Variants in ANKRD62 observed in about 807,000 individuals in gnomAD.
ANKRD62 encodes the protein ankyrin repeat domain 62, also known as ankyrin repeat domain-containing protein 62.
A neutral mutation model predicts 98.8 loss-of-function variants in ANKRD62; 61 were observed. The observed-to-expected ratio is 0.62, with a 90% CI of 0.50 to 0.76. The LOEUF (loss-of-function observed/expected upper bound fraction) is 0.76. Among genes scored for constraint, ANKRD62 ranks in the 30% least tolerant of loss-of-function variants. The pLI is 0.00. For synonymous variants in ANKRD62, 341 were observed against 367.9 expected, an observed-to-expected ratio of 0.93 and a Z score of 0.84; for missense variants, 933 against 1,082.9, an observed-to-expected ratio of 0.86 and a Z score of 1.94.
At chr18:12,152,746 TAAA>T in the ANKRD62 span, among the ~76,000 whole-genome samples, 1 of 151,960 alleles carries the variant, frequency 6.6e-6, no homozygotes, top group East Asian at 1.9e-4. Flanking sequence ...ATCAAACAAA[TAAA>T]TAAAGGGCAT....
At chr18:12,175,066 G>A in the ANKRD62 span, among the ~76,000 whole-genome samples, 9 of 152,336 alleles carry the variant, frequency 5.9e-5, no homozygotes, top group African/African-American at 1.7e-4. Context: ...CCCCGCTGTG[G>A]GCATTCACCA....
At chr18:12,141,205 G>C in the ANKRD62 span, among the ~76,000 whole-genome samples, 1 of 152,240 alleles carries the variant, frequency 6.6e-6, no homozygotes, top group East Asian at 1.9e-4. Context: ...CGTTGGACAA[G>C]CGCAGTATTA....
chr18:12,140,005 T>A, the ANKRD62 span, among the ~76,000 whole-genome samples: 1 of 152,258 alleles, frequency 6.6e-6, no homozygotes, highest in South Asian at 2.1e-4. Context: ...AGATTTGGTC[T>A]TTTCACATAG....
At position 12,126,100 on chromosome 18, in the gene ANKRD62, C is replaced by G. The variant is rs1208991175; in HGVS notation, c.2279C>G (p.Pro760Arg). The change falls in exon 13 of 14, where the codon CCT becomes CGT. Residue 760 changes from proline (P) to arginine (R), a missense_variant. Physicochemically the swap from Pro to Arg is moderately radical, Grantham distance 103. Coordinates refer to ENST00000587848, the MANE Select transcript of ANKRD62 (RefSeq NM_001277333.2). ...DIEHMYQNDQ[P>R]ILEKYVRKQQ... ...GAACACATGTACCAAAATGACCAAC[C>G]TATTTTGGAAAAATACGTGAGAAAG... is the stretch of plus-strand genomic sequence containing the variant. 6 of 1,535,992 alleles carry G rather than the reference C, an allele frequency of 3.9e-6. No individual in the cohort carries two copies. The East Asian group carries it at 1.2e-4, about 31-fold the overall frequency.
the ANKRD62 span, among the ~76,000 whole-genome samples, chr18:12,140,829 A>G: frequency 2.0e-5 from 3 of 152,342 alleles, no homozygotes; most frequent in South Asian, 6.2e-4. Context: ...GCCCGTTCTC[A>G]GATCTCAAAT....
At chr18:12,101,600 T>C (rs1452392355) in intron 6 of ANKRD62, among the ~76,000 whole-genome samples, 1 of 152,196 alleles carries the variant, frequency 6.6e-6, no homozygotes, top group Non-Finnish European at 1.5e-5. Flanking sequence ...ATTCATGAAT[T>C]AACAGTATTT....
At chr18:12,158,734 C>T in the ANKRD62 span, among the ~76,000 whole-genome samples, 1 of 149,386 alleles carries the variant, frequency 6.7e-6, no homozygotes, top group African/African-American at 2.5e-5. Flanking sequence ...TGGGGTTTCA[C>T]CGTGTTAGCC....
At chr18:12,127,672 T>TTTA in intron 13 of ANKRD62, 76 bp from the exon 14 acceptor site, 1 of 1,142,592 alleles carries the variant, frequency 8.8e-7, no homozygotes, top group Non-Finnish European at 1.1e-6. Context: ...AGTGTGTATA[T>TTTA]TAGAGTTAAA....
At chr18:12,141,341 G>A in the ANKRD62 span, among the ~76,000 whole-genome samples, 16 of 152,246 alleles carry the variant, frequency 1.1e-4, no homozygotes, top group East Asian at 5.8e-4. Flanking sequence ...GCTCACACAC[G>A]GTGCACTGCA....
chr18:12,134,752 A>C (rs1910056409), downstream of ANKRD62, among the ~76,000 whole-genome samples: 1 of 151,964 alleles, frequency 6.6e-6, no homozygotes, highest in Non-Finnish European at 1.5e-5. Context: ...TATGTGCCAC[A>C]TTTTCTTAAA....
chr18:12,140,166 C>T, the ANKRD62 span, among the ~76,000 whole-genome samples: 15 of 152,306 alleles, frequency 9.8e-5, no homozygotes, highest in Admixed American at 2.6e-4. Flanking sequence ...GCATTCATCA[C>T]GTAGTTCTCG....
the ANKRD62 span, among the ~76,000 whole-genome samples, chr18:12,162,076 GT>G: frequency 3.3e-5 from 5 of 151,908 alleles, no homozygotes; most frequent in Non-Finnish European, 7.4e-5. Flanking sequence ...GGAAGATCTA[GT>G]TTTTTTGAGG....
At chr18:12,163,859 A>G in the ANKRD62 span, among the ~76,000 whole-genome samples, 1 of 152,028 alleles carries the variant, frequency 6.6e-6, no homozygotes, top group Non-Finnish European at 1.5e-5. Context: ...TCCCTGGGAT[A>G]AATTTCACTT....
chr18:12,134,986 C>T, the ANKRD62 span, among the ~76,000 whole-genome samples: 1 of 152,066 alleles, frequency 6.6e-6, no homozygotes, highest in African/African-American at 2.4e-5. Flanking sequence ...TACAGTCCCA[C>T]CAACAGTGTA....
chr18:12,138,777 G>A, the ANKRD62 span, among the ~76,000 whole-genome samples: 1 of 152,092 alleles, frequency 6.6e-6, no homozygotes. Flanking sequence ...TTGTTGTATT[G>A]ATCCCTTTAC....
chr18:12,115,262 A>G, intron 9 of ANKRD62, 131 bp from the exon 10 acceptor site: 3 of 1,273,850 alleles, frequency 2.4e-6, no homozygotes, highest in Non-Finnish European at 3.1e-6. Flanking sequence ...CCTTTTAACC[A>G]AAGTCAGTTA....
chr18:12,122,957 A>G (rs984261273), intron 11 of ANKRD62, among the ~76,000 whole-genome samples: 2 of 152,174 alleles, frequency 1.3e-5, no homozygotes, highest in Admixed American at 1.3e-4. Context: ...TTCTTAAGAA[A>G]GTTTATAATT....
At chr18:12,173,139 C>T in the ANKRD62 span, among the ~76,000 whole-genome samples, 121 of 152,288 alleles carry the variant, frequency 7.9e-4, no homozygotes, top group African/African-American at 2.4e-3. Flanking sequence ...GAGATGAACC[C>T]GGTACCTCAG....
chr18:12,103,333 T>A, intron 7 of ANKRD62, 105 bp downstream of exon 7: 1 of 578,210 alleles, frequency 1.7e-6, no homozygotes, highest in Non-Finnish European at 2.6e-6. Flanking sequence ...TGAATGTAAT[T>A]TAATAGTTAA....
Sources: allele counts gnomAD v4.1 joint callset (sites outside exome capture counted in the v4.1 genomes callset), GRCh38; gene constraint gnomAD v4.1.1; transcripts MANE v1.5; gene names NCBI Gene and HGNC (gene_info 2026-07-23, HGNC 2026-07-21).